The following KIR3DL3 variants were observed in gnomAD, a reference collection of about 807,000 sequenced individuals.
KIR3DL3 encodes the protein killer cell immunoglobulin like receptor, three Ig domains and long cytoplasmic tail 3.
A neutral mutation model predicts 34.9 loss-of-function variants in KIR3DL3; 27 were observed. That is an observed-to-expected ratio of 0.77 (90% CI 0.57 to 1.07). KIR3DL3 has a LOEUF of 1.07. Among genes scored for constraint, KIR3DL3 ranks in the 50% least tolerant of loss-of-function variants. The pLI, the probability that KIR3DL3 is intolerant of heterozygous loss-of-function variation, is 0.00. For missense variants in KIR3DL3, 681 were observed against 528.5 expected (o/e 1.29, Z -2.83); for synonymous variants, 217 against 200.2 (o/e 1.08, Z -0.71).
chr19:54,734,736 A>G (rs1241723948), intron 5 of KIR3DL3, among the ~76,000 whole-genome samples: 3 of 147,214 alleles, frequency 2.0e-5, no homozygotes, highest in Non-Finnish European at 4.5e-5. Context: ...GCATGGCACC[A>G]GCATCTATTT....
intron 5 of KIR3DL3, 145 bp downstream of exon 5, chr19:54,729,931 G>T: frequency 1.9e-6 from 1 of 531,004 alleles, no homozygotes; most frequent in Non-Finnish European, 3.0e-6. Context: ...GGCGCAGGAT[G>T]GCAGACAGGG....
intron 3 of KIR3DL3, among the ~76,000 whole-genome samples, chr19:54,726,827 C>A (rs2068235692): frequency 7.8e-6 from 1 of 128,214 alleles, no homozygotes; most frequent in Non-Finnish European, 1.7e-5. Flanking sequence ...CCCTGAGTCT[C>A]CAGAGGAAAC....
At position 54,735,877 on chromosome 19, in the gene KIR3DL3, G is replaced by C. The variant is rs751079364; in HGVS notation, c.1107+5G>C. The stretch of plus-strand genomic sequence containing the variant: ...AACAGAACAGTGAACAGGGAGGTAG[G>C]TGCTCCTCCGCCCAGCCTCGTGGCT... On this transcript the variant is annotated splice_donor_5th_base_variant and intron_variant, in intron 7 of 7. Coordinates refer to ENST00000291860, the MANE Select transcript of KIR3DL3 (RefSeq NM_153443.5). 3 of 1,606,480 alleles carry C rather than the reference G, an allele frequency of 1.9e-6. No homozygotes were observed. In the East Asian group the frequency reaches 6.7e-5, roughly 36 times the overall value.
chr19:54,725,338 T>C lies in KIR3DL3; in HGVS notation c.70+56T>C, dbSNP rs745797971. 9.7e-4 allele frequency: 1,272 copies of C among 1,307,466 alleles called. 6 individuals carry two copies. Among genetic ancestry groups the C allele is most frequent in the Non-Finnish European group, 1.2e-3 (1,176 of 962,518 alleles). The allele number at this position is 1,307,466 out of a possible 1,614,324, so 81.0% of individuals were successfully genotyped here. ...ATCTCCCCACATAAGATGATGCTCC[T>C]GAAACGGGAGGCAGGCGACACAGGG... On this transcript the variant is annotated intron_variant, in intron 2 of 7. Coordinates refer to ENST00000291860, the MANE Select transcript of KIR3DL3 (RefSeq NM_153443.5).
In KIR3DL3 at chr19:54,725,285, G is replaced by A; in HGVS notation, c.70+3G>A. 3 of 1,580,206 alleles carry A rather than the reference G, an allele frequency of 1.9e-6. No homozygotes were observed. The Admixed American group carries it at 5.2e-5, about 27-fold the overall frequency. ...GGAGGGGCCCTGGCCACATGTGGGT[G>A]AGTCCTTCCCCCAAACCTTAGGTTG... is the stretch of plus-strand genomic sequence containing the variant. On this transcript the variant is annotated splice_donor_region_variant and intron_variant, in intron 2 of 7. Transcript: ENST00000291860.
In KIR3DL3 at chr19:54,736,201, C is replaced by G; in HGVS notation, c.*105C>G. On this transcript the variant is annotated 3_prime_UTR_variant, in exon 8 of 8. Transcript: ENST00000291860. ...TTCTAGGGAGACAATAGCCCTGTCT[C>G]AAAACCGGGTTGCCAGCTCCCATGT... 6.6e-7 allele frequency: 1 copy of G among 1,524,694 alleles called. No homozygotes were observed. Among genetic ancestry groups the G allele is most frequent in the Non-Finnish European group, 9.0e-7 (1 of 1,106,920 alleles). 94.4% of individuals were successfully genotyped at this position (1,524,694 alleles called of 1,614,324 possible).
rs888910575 is a variant in KIR3DL3 at position 54,726,084 on chromosome 19, G to A, written c.102G>A (p.Trp34Ter). Residue 34 changes from tryptophan to a stop codon, truncating the protein, a stop_gained, in exon 3 of 8, where the codon TGG becomes TGA. Coordinates refer to ENST00000291860, the MANE Select transcript of KIR3DL3 (RefSeq NM_153443.5). LOFTEE classifies it high-confidence loss of function. The stretch of plus-strand genomic sequence containing the variant: ...AGGACAAGCCCTTCCTCTCTGCCTG[G>A]CCCGGCACTGTGGTGTCTGAAGGAC... Reference protein sequence around the residue: ...GGQDKPFLSAWPGTVVSEGQH... With the variant: ...GGQDKPFLSA 767 of 1,612,904 alleles carry A rather than the reference G, an allele frequency of 4.8e-4. No individual in the cohort carries two copies. The highest frequency in any genetic ancestry group is 1.3e-3 in the Middle Eastern group (8 of 6,084).
intron 5 of KIR3DL3, among the ~76,000 whole-genome samples, chr19:54,734,977 C>T (rs1481239304): frequency 7.0e-6 from 1 of 142,702 alleles, no homozygotes. Context: ...CTCCATGACC[C>T]AAACAACTCC....
chr19:54,727,627 TTCC>T lies in KIR3DL3; in HGVS notation c.373_375del (p.Ser125del). 2 of 1,611,148 alleles carry T rather than the reference TTCC, an allele frequency of 1.2e-6. No individual in the cohort carries two copies. The highest frequency in any genetic ancestry group is 1.7e-6 in the Non-Finnish European group (2 of 1,179,186). ...TCTTCTTAGGAGTCCACAGAAAACC[TTCC>T]CTCCTGGCCCACCCAGGTCCCCTGG... On this transcript the variant is annotated inframe_deletion, in exon 4 of 8. Coordinates refer to ENST00000291860, the MANE Select transcript of KIR3DL3 (RefSeq NM_153443.5).
Position 54,729,482 on chromosome 19 carries a change from T to A in KIR3DL3, c.656-11T>A. The A allele has an allele frequency of 6.4e-7, 1 of 1,565,098 alleles. No homozygotes were observed. The highest frequency in any genetic ancestry group is 8.6e-7 in the Non-Finnish European group (1 of 1,164,292). On this transcript the variant is annotated splice_polypyrimidine_tract_variant and intron_variant, in intron 4 of 7. Transcript: ENST00000291860. Reference sequence around the variant, plus strand: ...GAACCTCCCTGAGGAAACCACCTCTTCTTCTTCCAGGTCTATATGGGAAAC... The same window carrying A: ...GAACCTCCCTGAGGAAACCACCTCTACTTCTTCCAGGTCTATATGGGAAAC...
rs1486713303 is a variant in KIR3DL3, at chr19:54,736,303, C to G, written c.*207C>G. 8.7e-6 allele frequency: 6 copies of G among 690,972 alleles called. No homozygotes were observed. In the African/African-American group the frequency reaches 1.1e-4, roughly 12 times the overall value. 42.8% of individuals were successfully genotyped at this position (690,972 alleles called of 1,614,324 possible). ...TCCTCACACCACGAATCTGAACATG[C>G]CTCTCTCTTGCTTACAAATGTCTAA... On this transcript the variant is annotated 3_prime_UTR_variant, in exon 8 of 8. Coordinates refer to ENST00000291860, the MANE Select transcript of KIR3DL3 (RefSeq NM_153443.5).
chr19:54,726,554 G>T (rs2068208764), intron 3 of KIR3DL3, among the ~76,000 whole-genome samples: 1 of 145,910 alleles, frequency 6.9e-6, no homozygotes, highest in Non-Finnish European at 1.5e-5. Context: ...TTATGTTATA[G>T]GGCAGGGGAC....
Position 54,736,288 on chromosome 19 carries a change from A to C in KIR3DL3, c.*192A>C, listed in dbSNP as rs1204149515. 2.7e-6 allele frequency: 2 copies of C among 739,022 alleles called. No homozygotes were observed. Among genetic ancestry groups the C allele is most frequent in the Admixed American group, 2.3e-5 (1 of 43,970 alleles). 45.8% of individuals were successfully genotyped at this position (739,022 alleles called of 1,614,324 possible). On this transcript the variant is annotated 3_prime_UTR_variant, in exon 8 of 8. Transcript: ENST00000291860. ...TTAGGGCATCGCTCTTCCTCACACC[A>C]CGAATCTGAACATGCCTCTCTCTTG...
intron 4 of KIR3DL3, 84 bp downstream of exon 4, chr19:54,727,994 G>A (rs1237747088): frequency 1.5e-6 from 2 of 1,357,988 alleles, no homozygotes; most frequent in Admixed American, 2.1e-5. Context: ...TGGTCATGAG[G>A]AAGATGAGTG....
intron 5 of KIR3DL3, among the ~76,000 whole-genome samples, chr19:54,734,028 G>C (rs936342363): frequency 6.6e-6 from 1 of 152,154 alleles, no homozygotes; most frequent in Non-Finnish European, 1.5e-5. Context: ...CCTAATATAT[G>C]TCTCAGCAGA....
intron 5 of KIR3DL3, among the ~76,000 whole-genome samples, chr19:54,734,446 T>G (rs1321056064): frequency 9.9e-5 from 15 of 151,750 alleles, no homozygotes; most frequent in African/African-American, 3.4e-4. Flanking sequence ...TCGAGACATG[T>G]GGAGTCACCC....
Position 54,729,761 on chromosome 19 carries a change from T to A in KIR3DL3, c.924T>A (p.Ser308Arg). Residue 308 changes from serine to arginine, a missense_variant, in exon 5 of 8, where the codon AGT becomes AGA. By Grantham distance (110) the Ser-to-Arg change is moderately radical (BLOSUM62 -1). Coordinates refer to ENST00000291860, the MANE Select transcript of KIR3DL3 (RefSeq NM_153443.5). ...RALPHAWSDP[S>R]DPLPVSVTGN... ...TGCCCCATGCGTGGTCAGACCCGAG[T>A]GACCCACTGCCCGTTTCTGTCACAG... The A allele has an allele frequency of 6.3e-7, 1 of 1,594,580 alleles. No homozygotes were observed.
rs2146879516 is a variant in KIR3DL3 at position 54,735,007 on chromosome 19, C to T, written c.950-246C>T. On this transcript the variant is annotated intron_variant, in intron 5 of 7. Coordinates refer to ENST00000291860, the MANE Select transcript of KIR3DL3 (RefSeq NM_153443.5). The stretch of plus-strand genomic sequence containing the variant: ...AACTCCCAAGAGGCCCAACCTCCCA[C>T]TCTGGGGGTTACATTTCAATGTGAG... Among the ~76,000 whole-genome samples, 3 of 142,514 alleles carry T rather than the reference C, an allele frequency of 2.1e-5. 1 individual carries two copies. The East Asian group carries it at 6.1e-4, about 29-fold the overall frequency. The allele number at this position is 142,514 out of a possible 152,430, so 93.5% of individuals were successfully genotyped here. A position where few individuals can be genotyped will look rare whatever the true frequency, so the allele number is the denominator to read the frequency against.
At chr19:54,725,969 G>A (rs1600163677) in intron 2 of KIR3DL3, 84 bp from the exon 3 acceptor site, 1 of 1,309,774 alleles carries the variant, frequency 7.6e-7, no homozygotes, top group Non-Finnish European at 1.1e-6. Context: ...TTAGAAACGT[G>A]GAAATGGGAG....
Sources: gnomAD v4.1 joint callset for allele counts (sites outside exome capture counted in the v4.1 genomes callset) on GRCh38, gnomAD v4.1.1 for gene constraint, MANE v1.5 for transcripts, NCBI Gene and HGNC (gene_info 2026-07-23, HGNC 2026-07-21) for gene names.